The following LRP6 variants were observed in gnomAD, a reference collection of about 807,000 sequenced individuals.
The protein encoded by LRP6 is low-density lipoprotein receptor-related protein 6.
A neutral mutation model predicts 184.1 loss-of-function variants in LRP6; 43 were observed. The ratio of observed to expected loss-of-function variants is 0.23; its 90% CI spans 0.18 to 0.30. The LOEUF (loss-of-function observed/expected upper bound fraction) is 0.30, where lower values mean the gene tolerates loss of function less well. LRP6 is among the 10% of genes least tolerant of loss of function. The pLI, the probability that LRP6 is intolerant of heterozygous loss-of-function variation, is 1.00. For missense variants in LRP6, 1,571 were observed against 2,005.3 expected, an observed-to-expected ratio of 0.78 and a Z score of 4.14; for synonymous variants, 719 against 684.9, an observed-to-expected ratio of 1.05 and a Z score of -0.78.
chr12:12,166,665 T>A (rs1471342997), intron 7 of LRP6, among the ~76,000 whole-genome samples: 1 of 152,252 alleles, frequency 6.6e-6, no homozygotes, highest in Non-Finnish European at 1.5e-5. Flanking sequence ...TATTAAACTT[T>A]TAAAGAATAA....
At chr12:12,177,164 G>A (rs1043975966) in intron 7 of LRP6, among the ~76,000 whole-genome samples, 9 of 152,116 alleles carry the variant, frequency 5.9e-5, no homozygotes, top group African/African-American at 1.9e-4. Context: ...AGACTCTTAA[G>A]TCTTTCAGAA....
chr12:12,147,408 C>T lies in LRP6; in HGVS notation c.3355G>A (p.Ala1119Thr). 6.2e-7 allele frequency: 1 copy of T among 1,614,148 alleles called. No individual in the cohort carries two copies. Among genetic ancestry groups the T allele is most frequent in the African/African-American group, 1.3e-5 (1 of 75,040 alleles). Reference protein sequence around the residue: ...LDSRLGKLFWADSDLRRIESS... With the variant: ...LDSRLGKLFWTDSDLRRIESS... The stretch of plus-strand genomic sequence containing the variant: ...TCAATTCGCCGGAGATCTGAATCAG[C>T]CCAAAAGAGCTTGCCCAGCCTGCTA... The change falls in exon 15 of 23, where the codon GCT becomes ACT. Residue 1119 changes from alanine (A) to threonine (T), a missense_variant. Transcript: ENST00000261349.
rs1484356186 is a variant in LRP6, at chr12:12,181,318, A to T, written c.1098T>A (p.Asp366Glu). The T allele has an allele frequency of 5.0e-6, 8 of 1,614,036 alleles. No individual in the cohort carries two copies. The highest frequency in any genetic ancestry group is 6.8e-6 in the Non-Finnish European group (8 of 1,180,008). ...LEDIRHAIAI[D>E]YDPVEGYIYW... The stretch of plus-strand genomic sequence containing the variant: ...AGATGTAGCCTTCCACAGGATCGTA[A>T]TCTATGGCAATGGCATGACGGATGT... The change falls in exon 6 of 23, where the codon GAT (aspartate) becomes GAA (glutamate). Residue 366 changes from aspartate to glutamate, a missense_variant. By Grantham distance (45) the Asp-to-Glu change is conservative. Coordinates refer to ENST00000261349, the MANE Select transcript of LRP6 (RefSeq NM_002336.3).
At chr12:12,131,723 A>G in intron 18 of LRP6, 98 bp downstream of exon 18, 2 of 980,412 alleles carry the variant, frequency 2.0e-6, no homozygotes, top group Non-Finnish European at 3.3e-6. Flanking sequence ...TATGTACTTG[A>G]AAAACCCCAA....
chr12:12,218,517 A>G (rs529585079), intron 2 of LRP6, among the ~76,000 whole-genome samples: 1 of 142,968 alleles, frequency 7.0e-6, no homozygotes, highest in African/African-American at 2.6e-5. Flanking sequence ...AATAATAATA[A>G]TACTATACAA....
chr12:12,217,234 T>C (rs1864371523), intron 2 of LRP6, among the ~76,000 whole-genome samples: 1 of 152,100 alleles, frequency 6.6e-6, no homozygotes, highest in Non-Finnish European at 1.5e-5. Context: ...TATTAGATTC[T>C]CATAAGAGCA....
At chr12:12,226,558 T>C (rs573482864) in intron 2 of LRP6, 66 of 152,316 alleles carry the variant, frequency 4.3e-4, no homozygotes, top group Admixed American at 1.2e-3. Flanking sequence ...GGTTTATTAG[T>C]ATACTGTTCA....
chr12:12,138,674 A>C, intron 15 of LRP6, 140 bp from the exon 16 acceptor site: 1 of 1,333,118 alleles, frequency 7.5e-7, no homozygotes, highest in Non-Finnish European at 1.0e-6. Flanking sequence ...AAACTTAAAA[A>C]TCATGGTAAG....
intron 1 of LRP6, among the ~76,000 whole-genome samples, chr12:12,256,403 C>T (rs999587347): frequency 2.0e-5 from 3 of 151,996 alleles, no homozygotes; most frequent in Non-Finnish European, 2.9e-5. Context: ...ATAAAAAATA[C>T]AAAAACTTAG....
At position 12,142,330 on chromosome 12, in the gene LRP6, G is replaced by A. The variant is rs185518005; in HGVS notation, c.3398-3796C>T. On this transcript the variant is annotated intron_variant, in intron 15 of 22. Coordinates refer to ENST00000261349, the MANE Select transcript of LRP6 (RefSeq NM_002336.3). ...CTGGGTAAAAAAGGAAGTCAATAGT[G>A]TCACTGCAGGCCCCCAGATATGGTA... is the stretch of plus-strand genomic sequence containing the variant. Among the ~76,000 whole-genome samples, 34 of 152,236 alleles carry A rather than the reference G, an allele frequency of 2.2e-4. 1 individual carries two copies. The highest frequency in any genetic ancestry group is 2.0e-3 in the Admixed American group (30 of 15,292).
intron 12 of LRP6, among the ~76,000 whole-genome samples, chr12:12,157,983 C>CA (rs1486105390): frequency 1.3e-5 from 2 of 152,086 alleles, no homozygotes; most frequent in African/African-American, 4.8e-5. Context: ...GTCACACACA[C>CA]AAAAAAATCT....
chr12:12,228,152 C>T (rs1434365902), intron 2 of LRP6, among the ~76,000 whole-genome samples: 1 of 152,168 alleles, frequency 6.6e-6, no homozygotes, highest in Non-Finnish European at 1.5e-5. Flanking sequence ...AGGGGGATCA[C>T]CTGAGGTCGG....
intron 7 of LRP6, among the ~76,000 whole-genome samples, chr12:12,170,199 G>C (rs1391439783): frequency 6.6e-6 from 1 of 152,102 alleles, no homozygotes; most frequent in Non-Finnish European, 1.5e-5. Flanking sequence ...GCCAGGTGTG[G>C]AGATGCACAC....
chr12:12,165,734 CAG>C (rs1476644186), intron 7 of LRP6, among the ~76,000 whole-genome samples: 8 of 152,144 alleles, frequency 5.3e-5, no homozygotes, highest in African/African-American at 1.7e-4. Context: ...TGTAAGGTCA[CAG>C]AGCTTGTAAA....
At chr12:12,204,679 T>C (rs1377240075) in intron 2 of LRP6, among the ~76,000 whole-genome samples, 2 of 151,956 alleles carry the variant, frequency 1.3e-5, no homozygotes, top group Non-Finnish European at 2.9e-5. Flanking sequence ...TCCCAGCACT[T>C]TGGGAGGTCG....
intron 17 of LRP6, among the ~76,000 whole-genome samples, chr12:12,134,664 G>A (rs1949807479): frequency 6.6e-6 from 1 of 152,102 alleles, no homozygotes; most frequent in Admixed American, 6.6e-5. Flanking sequence ...TCCCAACAAT[G>A]ACACATAAAC....
intron 12 of LRP6, among the ~76,000 whole-genome samples, chr12:12,157,662 G>A (rs1396832923): frequency 1.3e-5 from 2 of 152,052 alleles, no homozygotes; most frequent in African/African-American, 4.8e-5. Context: ...TGGGAATTCT[G>A]ACACATTCTC....
chr12:12,158,875 T>C lies in LRP6; in HGVS notation c.2745A>G (p.Gly915=), dbSNP rs748092029. The stretch of plus-strand genomic sequence containing the variant: ...CATTAAGAGAGTAGTGGGCAGGGCA[T>C]CCACAAACAAAACCCCCAACTGGCA... ...LAVPVGGFVC[G]CPAHYSLNAD... Residue 915 remains glycine (G), a synonymous_variant, in exon 12 of 23, where the codon GGA becomes GGG. Transcript: ENST00000261349. The C allele has an allele frequency of 1.2e-6, 2 of 1,614,178 alleles. No homozygotes were observed. Among genetic ancestry groups the C allele is most frequent in the East Asian group, 4.5e-5 (2 of 44,888 alleles).
At chr12:12,144,899 A>G (rs1360047803) in intron 15 of LRP6, among the ~76,000 whole-genome samples, 3 of 116,478 alleles carry the variant, frequency 2.6e-5, no homozygotes, top group African/African-American at 3.6e-5. Flanking sequence ...AACATCACAC[A>G]CTGGGGCCTG....
Sources: allele counts gnomAD v4.1 joint callset (sites outside exome capture counted in the v4.1 genomes callset), GRCh38; gene constraint gnomAD v4.1.1; transcripts MANE v1.5; gene names NCBI Gene and HGNC (gene_info 2026-07-23, HGNC 2026-07-21).